PRSS3: variants seen among roughly 807,000 people sequenced by gnomAD.
PRSS3 encodes trypsin-3.
A neutral mutation model predicts 20.8 loss-of-function variants in PRSS3; 14 were observed. The observed-to-expected ratio is 0.67, with a 90% confidence interval of 0.44 to 1.05. The LOEUF is 1.05. PRSS3 is among the 50% of genes least tolerant of loss of function. The probability of loss-of-function intolerance (pLI) is 0.00; values close to 1 mark genes in which losing one functional copy is unlikely to be tolerated. For synonymous variants in PRSS3, 91 were observed against 117.6 expected, an observed-to-expected ratio of 0.77 and a Z score of 1.46; for missense variants, 237 against 306.4, an observed-to-expected ratio of 0.77 and a Z score of 1.69.
At chr9:33,754,719 T>C (rs1301894402) in intron 1 of PRSS3, among the ~76,000 whole-genome samples, 1 of 152,072 alleles carries the variant, frequency 6.6e-6, no homozygotes, top group Non-Finnish European at 1.5e-5. Context: ...TAGTCCCAGC[T>C]ACTCAGGAGG....
intron 1 of PRSS3, among the ~76,000 whole-genome samples, chr9:33,758,966 C>T (rs1185648237): frequency 6.6e-6 from 1 of 152,120 alleles, no homozygotes; most frequent in Non-Finnish European, 1.5e-5. Context: ...TTTAATATAA[C>T]ATGGTAAGTG....
chr9:33,768,814 C>T (rs1478212921), intron 1 of PRSS3, among the ~76,000 whole-genome samples: 1 of 152,150 alleles, frequency 6.6e-6, no homozygotes, highest in Non-Finnish European at 1.5e-5. Context: ...CAAGATCATG[C>T]CACTGCACTC....
At chr9:33,778,378 A>C (rs1824033390) in intron 1 of PRSS3, among the ~76,000 whole-genome samples, 2 of 152,180 alleles carry the variant, frequency 1.3e-5, no homozygotes. Context: ...GACAAGAAAA[A>C]TACTAAAAAG....
upstream of PRSS3, chr9:33,795,454 C>T: frequency 7.2e-7 from 1 of 1,389,458 alleles, no homozygotes; most frequent in African/African-American, 1.4e-5. Context: ...AAGGGGAAAG[C>T]TGCAGGTGTG....
chr9:33,770,825 T>C (rs1823653779), intron 1 of PRSS3, among the ~76,000 whole-genome samples: 2 of 152,036 alleles, frequency 1.3e-5, no homozygotes, highest in South Asian at 4.1e-4. Context: ...TAGCAACCAG[T>C]ATATGTGGTG....
rs1165155088 is a variant in PRSS3 at position 33,750,938 on chromosome 9, A to G, written c.-53+211A>G. 5 of 1,214,740 alleles carry G rather than the reference A, an allele frequency of 4.1e-6. No individual in the cohort carries two copies. The highest frequency in any genetic ancestry group is 4.2e-6 in the Non-Finnish European group (4 of 951,526). The allele number at this position is 1,214,740 out of a possible 1,614,324, so 75.2% of individuals were successfully genotyped here. A position where few individuals can be genotyped will look rare whatever the true frequency, so the allele number is the denominator to read the frequency against. On this transcript the variant is annotated intron_variant, in intron 1 of 5. Coordinates refer to the PRSS3 transcript ENST00000342836. This position sits in a 1 kb window ranked among gnomAD's most constrained non-coding sequence, Gnocchi z 4.8. ...TCTAGGGGAGGACGGGAGGGGATGG[A>G]GGGCCCTGGTGTCGCAGAAGCCCAC...
chr9:33,798,291 C>A (rs1231267466), intron 3 of PRSS3, 195 bp from the exon 4 acceptor site: 1 of 582,694 alleles, frequency 1.7e-6, no homozygotes, highest in African/African-American at 4.3e-5. Context: ...GGAGAACTTG[C>A]TGTGATCACG....
chr9:33,785,159 A>AATTTTTTTTTT, intron 1 of PRSS3, among the ~76,000 whole-genome samples: 1 of 100,624 alleles, frequency 9.9e-6, no homozygotes, highest in African/African-American at 4.5e-5. Flanking sequence ...CATTGTGGTC[A>AATTTTTTTTTT]ATTTTTTTTT....
chr9:33,758,926 T>A lies in PRSS3; in HGVS notation c.-53+8199T>A, dbSNP rs144166702. On this transcript the variant is annotated intron_variant, in intron 1 of 5. Coordinates refer to the PRSS3 transcript ENST00000342836. ...CTCTGCTCTTGAAGATTCTGTAGAC[T>A]AATGGGCAAGACATATGTCACTATA... 9.8e-3 allele frequency among the ~76,000 whole-genome samples: 1,491 copies of A among 152,312 alleles called. 16 individuals are homozygous for A. The highest frequency in any genetic ancestry group is 0.033 in the African/African-American group (1,357 of 41,564).
At chr9:33,771,873 C>CTTTTT (rs74178902) in intron 1 of PRSS3, among the ~76,000 whole-genome samples, 4 of 128,282 alleles carry the variant, frequency 3.1e-5, no homozygotes, top group African/African-American at 5.8e-5. Flanking sequence ...TCTTTCTTTT[C>CTTTTT]TTTTTTTTTT....
At chr9:33,786,327 G>A (rs1212797454) in intron 1 of PRSS3, 22 of 583,634 alleles carry the variant, frequency 3.8e-5, no homozygotes, top group Middle Eastern at 3.3e-4. Flanking sequence ...CTTCCTCTCC[G>A]GAGAGTCTGA....
In PRSS3 at chr9:33,789,648, G is replaced by A. The variant is rs188377986; in HGVS notation, c.-52-5098G>A. Among the ~76,000 whole-genome samples, 58 of 152,224 alleles carry A rather than the reference G, an allele frequency of 3.8e-4. 1 individual carries two copies. The East Asian group carries it at 0.011, about 29-fold the overall frequency. ...TTCTCCAGGTCACAGGAATGCACAT[G>A]TATACCCATTTTATGTCATGGGTTC... On this transcript the variant is annotated intron_variant, in intron 1 of 5. Transcript: ENST00000342836.
At chr9:33,760,745 CAAA>C (rs61678518) in intron 1 of PRSS3, among the ~76,000 whole-genome samples, 7 of 101,394 alleles carry the variant, frequency 6.9e-5, no homozygotes, top group Admixed American at 2.2e-4. Context: ...GACTCTGTCA[CAAA>C]AAAAAAAAAA....
intron 1 of PRSS3, among the ~76,000 whole-genome samples, chr9:33,774,181 GTTAT>G (rs924139597): frequency 6.6e-6 from 1 of 152,136 alleles, no homozygotes; most frequent in Non-Finnish European, 1.5e-5. Context: ...TCTACTTGAA[GTTAT>G]TTATTACCTT....
At chr9:33,760,916 C>T (rs552392087) in intron 1 of PRSS3, among the ~76,000 whole-genome samples, 1 of 151,930 alleles carries the variant, frequency 6.6e-6, no homozygotes, top group South Asian at 2.1e-4. Context: ...GTTTTTCAAT[C>T]TCGAATTCAG....
upstream of PRSS3, among the ~76,000 whole-genome samples, chr9:33,794,119 TC>T (rs2119093195): frequency 6.6e-6 from 1 of 152,364 alleles, no homozygotes; most frequent in Admixed American, 6.5e-5. Context: ...TCGCATTTTT[TC>T]CAATTCCCTC....
intron 1 of PRSS3, among the ~76,000 whole-genome samples, chr9:33,781,498 T>G (rs28413475): frequency 6.6e-6 from 1 of 152,042 alleles, no homozygotes; most frequent in East Asian, 1.9e-4. Context: ...AACATAAACA[T>G]GGGAATGATT....
At chr9:33,784,186 GT>G (rs1282732541) in intron 1 of PRSS3, among the ~76,000 whole-genome samples, 4 of 151,924 alleles carry the variant, frequency 2.6e-5, no homozygotes, top group Non-Finnish European at 4.4e-5. Context: ...TTGCAGTTTT[GT>G]TTTTTGTTTT....
chr9:33,785,019 T>C (rs1312128372), intron 1 of PRSS3, among the ~76,000 whole-genome samples: 2 of 152,078 alleles, frequency 1.3e-5, no homozygotes, highest in Non-Finnish European at 2.9e-5. Context: ...AACCAAAAAA[T>C]AGACTTAAAT....
Sources: gnomAD v4.1 joint callset for allele counts (sites outside exome capture counted in the v4.1 genomes callset) on GRCh38, gnomAD v4.1.1 for gene constraint, Gnocchi (gnomAD v3.1) non-coding constraint, MANE v1.5 for transcripts, NCBI Gene and HGNC (gene_info 2026-07-23, HGNC 2026-07-21) for gene names.